Variants in RCOR1 observed in about 807,000 individuals in gnomAD.
The protein encoded by RCOR1 is REST corepressor 1, also known as REST corepressor.
RCOR1 carries 12 observed loss-of-function variants against 64.0 expected under a neutral mutation model. The observed-to-expected ratio is 0.19, with a 90% confidence interval of 0.12 to 0.30. The LOEUF (loss-of-function observed/expected upper bound fraction) is 0.30, where lower values mean the gene tolerates loss of function less well. Among genes scored for constraint, RCOR1 ranks in the 10% least tolerant of loss-of-function variants. RCOR1 has a pLI of 1.00. For missense variants in RCOR1, 502 were observed against 621.2 expected, an observed-to-expected ratio of 0.81 and a Z score of 2.04; for synonymous variants, 279 against 227.2, an observed-to-expected ratio of 1.23 and a Z score of -2.05.
intron 2 of RCOR1, among the ~76,000 whole-genome samples, chr14:102,640,075 C>T: frequency 6.6e-6 from 1 of 152,198 alleles, no homozygotes; most frequent in African/African-American, 2.4e-5. Flanking sequence ...GAATTCCCAA[C>T]CTCAGGTGAT....
chr14:102,635,537 A>G (rs1392224755), intron 2 of RCOR1, among the ~76,000 whole-genome samples: 1 of 152,174 alleles, frequency 6.6e-6, no homozygotes, highest in Non-Finnish European at 1.5e-5. Flanking sequence ...TATTTATTAA[A>G]ATATGTATAT....
chr14:102,655,743 A>G (rs1894708845), intron 2 of RCOR1, among the ~76,000 whole-genome samples: 1 of 152,130 alleles, frequency 6.6e-6, no homozygotes, highest in South Asian at 2.1e-4. Flanking sequence ...GCCTGAGGTC[A>G]GGAGTTAAAG....
At chr14:102,702,791 A>G (rs1895777232) in intron 4 of RCOR1, among the ~76,000 whole-genome samples, 1 of 152,326 alleles carries the variant, frequency 6.6e-6, no homozygotes, top group Middle Eastern at 3.4e-3. Context: ...TTAGATTCAG[A>G]TGTCCAGGTT....
intron 2 of RCOR1, among the ~76,000 whole-genome samples, chr14:102,628,459 C>T (rs567045254): frequency 1.3e-5 from 2 of 151,308 alleles, no homozygotes; most frequent in Admixed American, 1.3e-4. Flanking sequence ...CCCCGCTTTT[C>T]TCTCTCTCTC....
chr14:102,636,453 AT>A (rs1291576538), intron 2 of RCOR1, among the ~76,000 whole-genome samples: 1 of 151,028 alleles, frequency 6.6e-6, no homozygotes, highest in Non-Finnish European at 1.5e-5. Context: ...AACTTTTTGT[AT>A]TTGTTTACTA....
At position 102,659,121 on chromosome 14, in the gene RCOR1, C is replaced by T. The variant is rs908294239; in HGVS notation, c.362-22774C>T. The T allele has an allele frequency of 2.9e-5, 29 of 984,984 alleles. No individual in the cohort carries two copies. In the Admixed American group the frequency reaches 3.1e-4, roughly 10 times the overall value. The allele number at this position is 984,984 out of a possible 1,614,324, so 61.0% of individuals were successfully genotyped here. On this transcript the variant is annotated intron_variant, in intron 2 of 11. Transcript: ENST00000262241. ...GCTTTTTCTAGGAAAGGTCTTTGCCCGTTATTCTACCGACTTACTGGACTT... is the reference window on the plus strand; with the variant it reads ...GCTTTTTCTAGGAAAGGTCTTTGCCTGTTATTCTACCGACTTACTGGACTT...
At chr14:102,694,670 T>C (rs1895609038) in intron 3 of RCOR1, among the ~76,000 whole-genome samples, 1 of 152,248 alleles carries the variant, frequency 6.6e-6, no homozygotes, top group Admixed American at 6.5e-5. Flanking sequence ...CTTGGCTTCC[T>C]GTGCTGTTTT....
chr14:102,676,293 A>G (rs2139953814), intron 2 of RCOR1, among the ~76,000 whole-genome samples: 2 of 146,756 alleles, frequency 1.4e-5, no homozygotes, highest in African/African-American at 5.2e-5. Context: ...GCGGCCGGGC[A>G]GAAGCGCCCC....
intron 2 of RCOR1, among the ~76,000 whole-genome samples, chr14:102,622,993 G>GTT (rs1160210098): frequency 1.3e-5 from 2 of 152,092 alleles, no homozygotes; most frequent in Non-Finnish European, 2.9e-5. Context: ...AGCTATGCCA[G>GTT]TTTTCTTTTT....
chr14:102,679,338 T>C (rs1595226854), intron 2 of RCOR1, among the ~76,000 whole-genome samples: 2 of 152,364 alleles, frequency 1.3e-5, no homozygotes, highest in South Asian at 2.1e-4. Flanking sequence ...TTTTTGCATG[T>C]GAATATTCAT....
Position 102,728,866 on chromosome 14 carries a change from G to A in RCOR1, c.*2360G>A, listed in dbSNP as rs573505759. On this transcript the variant is annotated 3_prime_UTR_variant, in exon 12 of 12. Coordinates refer to ENST00000262241, the MANE Select transcript of RCOR1 (RefSeq NM_015156.4). ...TTGACTGCCTTTGTTGTGCTTTCCCGCGTAAGATAGCACTGTGTTTTAAAC... is the reference window on the plus strand; with the variant it reads ...TTGACTGCCTTTGTTGTGCTTTCCCACGTAAGATAGCACTGTGTTTTAAAC... The A allele has an allele frequency of 1.6e-4, 24 of 152,310 alleles. No individual in the cohort carries two copies. The highest frequency in any genetic ancestry group is 4.6e-4 in the African/African-American group (19 of 41,506). 9.4% of individuals were successfully genotyped at this position (152,310 alleles called of 1,614,324 possible). A position where few individuals can be genotyped will look rare whatever the true frequency, so the allele number is the denominator to read the frequency against.
chr14:102,715,754 G>A (rs1250431757), intron 8 of RCOR1, among the ~76,000 whole-genome samples: 3 of 152,148 alleles, frequency 2.0e-5, no homozygotes, highest in African/African-American at 7.2e-5. Context: ...AAAGTCATGT[G>A]GTACTGTTTA....
At chr14:102,620,589 G>T (rs925553605) in intron 2 of RCOR1, among the ~76,000 whole-genome samples, 5 of 152,080 alleles carry the variant, frequency 3.3e-5, no homozygotes, top group Non-Finnish European at 2.9e-5. Flanking sequence ...GGGCACAATG[G>T]TATGCATCTG....
intron 2 of RCOR1, among the ~76,000 whole-genome samples, chr14:102,615,525 C>T (rs937754404): frequency 2.0e-5 from 3 of 150,086 alleles, no homozygotes; most frequent in East Asian, 2.0e-4. Context: ...CTCGGCTCAC[C>T]GCAACCTCCA....
At chr14:102,594,126 C>T (rs114558581) in intron 2 of RCOR1, among the ~76,000 whole-genome samples, 1 of 152,170 alleles carries the variant, frequency 6.6e-6, no homozygotes, top group African/African-American at 2.4e-5. Flanking sequence ...GAAAAAAAAT[C>T]CGATCAGACA....
intron 3 of RCOR1, among the ~76,000 whole-genome samples, chr14:102,696,334 C>T (rs1176530546): frequency 1.3e-5 from 2 of 152,160 alleles, no homozygotes; most frequent in African/African-American, 2.4e-5. Flanking sequence ...GAGGATTTCA[C>T]ATTCTGTCTT....
intron 3 of RCOR1, among the ~76,000 whole-genome samples, chr14:102,700,861 G>A (rs374814629): frequency 1.3e-5 from 2 of 152,220 alleles, no homozygotes; most frequent in Admixed American, 6.5e-5. Context: ...AGACATACCC[G>A]AGACTGGGAA....
intron 4 of RCOR1, 22 bp downstream of exon 4, chr14:102,701,352 T>C (rs368643402): frequency 1.3e-6 from 2 of 1,544,732 alleles, no homozygotes; most frequent in South Asian, 2.5e-5. Flanking sequence ...GTTTTCTTTC[T>C]TTTGCTGTTA....
chr14:102,614,476 G>A (rs1296614340), intron 2 of RCOR1, among the ~76,000 whole-genome samples: 1 of 151,694 alleles, frequency 6.6e-6, no homozygotes, highest in Non-Finnish European at 1.5e-5. Context: ...CGCCCGCCTC[G>A]GCCTCCCAAA....
Sources: gnomAD v4.1 joint callset for allele counts (sites outside exome capture counted in the v4.1 genomes callset) on GRCh38, gnomAD v4.1.1 for gene constraint, MANE v1.5 for transcripts, NCBI Gene and HGNC (gene_info 2026-07-23, HGNC 2026-07-21) for gene names.